GRID2: variants seen among roughly 807,000 people sequenced by gnomAD.
The protein encoded by GRID2 is glutamate receptor ionotropic, delta-2.
GRID2 carries 33 observed loss-of-function variants against 114.8 expected under a neutral mutation model. That is an observed-to-expected ratio of 0.29 (90% CI 0.22 to 0.38). The LOEUF (loss-of-function observed/expected upper bound fraction) is 0.38. Among genes scored for constraint, GRID2 ranks in the 10% least tolerant of loss-of-function variants. GRID2 has a pLI of 1.00. For synonymous variants in GRID2, 505 were observed against 449.9 expected (o/e 1.12, Z -1.55); for missense variants, 1,184 against 1,257.7 (o/e 0.94, Z 0.89).
At chr4:92,305,671 G>T (rs907559579) in intron 1 of GRID2, among the ~76,000 whole-genome samples, 1 of 152,104 alleles carries the variant, frequency 6.6e-6, no homozygotes, top group Admixed American at 6.5e-5. Context: ...GCAACCAGAC[G>T]GGCCGGGACT....
At chr4:92,351,019 A>G (rs892292956) in intron 1 of GRID2, among the ~76,000 whole-genome samples, 1 of 151,810 alleles carries the variant, frequency 6.6e-6, no homozygotes, top group African/African-American at 2.4e-5. Flanking sequence ...ATACTTTTTT[A>G]TGGCCAAATA....
At chr4:92,525,709 G>C (rs1674671827) in intron 1 of GRID2, among the ~76,000 whole-genome samples, 1 of 152,086 alleles carries the variant, frequency 6.6e-6, no homozygotes, top group Non-Finnish European at 1.5e-5. Context: ...TTTGGGTTGA[G>C]CCAGGTTTTA....
At chr4:92,757,744 A>T (rs1560575174) in intron 2 of GRID2, among the ~76,000 whole-genome samples, 1 of 152,082 alleles carries the variant, frequency 6.6e-6, no homozygotes, top group Non-Finnish European at 1.5e-5. Flanking sequence ...ACAGCCATTG[A>T]AGCAGAATGA....
At chr4:93,304,032 T>A (rs1755152598) in intron 8 of GRID2, among the ~76,000 whole-genome samples, 1 of 151,814 alleles carries the variant, frequency 6.6e-6, no homozygotes, top group Non-Finnish European at 1.5e-5. Context: ...AGAATTATTA[T>A]TAAATATTGC....
At chr4:92,763,829 A>G (rs1738137096) in intron 2 of GRID2, among the ~76,000 whole-genome samples, 1 of 152,232 alleles carries the variant, frequency 6.6e-6, no homozygotes, top group African/African-American at 2.4e-5. Flanking sequence ...TTGAAGGGCC[A>G]GAAGACTTTG....
chr4:93,107,078 T>C (rs1250643758), intron 3 of GRID2, among the ~76,000 whole-genome samples: 1 of 152,116 alleles, frequency 6.6e-6, no homozygotes, highest in Non-Finnish European at 1.5e-5. Flanking sequence ...GGCAGGTGGA[T>C]CGCCTGAGCT....
chr4:93,681,992 C>A (rs1229784399), intron 14 of GRID2, among the ~76,000 whole-genome samples: 1 of 151,198 alleles, frequency 6.6e-6, no homozygotes, highest in Non-Finnish European at 1.5e-5. Context: ...AGTGAACAGG[C>A]AACCTACAAA....
intron 8 of GRID2, among the ~76,000 whole-genome samples, chr4:93,345,667 G>A (rs911719945): frequency 3.3e-5 from 5 of 151,666 alleles, no homozygotes; most frequent in Middle Eastern, 3.2e-3. Flanking sequence ...TGTCTGTTTT[G>A]TTGCCGTTAC....
At chr4:92,798,570 T>A (rs1222830487) in intron 2 of GRID2, among the ~76,000 whole-genome samples, 1 of 152,030 alleles carries the variant, frequency 6.6e-6, no homozygotes, top group African/African-American at 2.4e-5. Flanking sequence ...AATGACAGAA[T>A]CTAACTTTGG....
At chr4:93,484,034 G>T (rs1265528637) in intron 11 of GRID2, among the ~76,000 whole-genome samples, 11 of 150,808 alleles carry the variant, frequency 7.3e-5, no homozygotes, top group Non-Finnish European at 1.3e-4. Flanking sequence ...TCTAATTGTG[G>T]ATAAAAAAAG....
chr4:92,956,295 G>A (rs1752405363), intron 2 of GRID2, among the ~76,000 whole-genome samples: 1 of 152,074 alleles, frequency 6.6e-6, no homozygotes, highest in Admixed American at 6.6e-5. Context: ...TGAGTCTATG[G>A]GCTTGGACAC....
chr4:92,880,026 C>G (rs1745897678), intron 2 of GRID2, among the ~76,000 whole-genome samples: 1 of 151,988 alleles, frequency 6.6e-6, no homozygotes, highest in African/African-American at 2.4e-5. Context: ...TATAAAAATC[C>G]AAGGAATTTT....
intron 14 of GRID2, among the ~76,000 whole-genome samples, chr4:93,723,874 T>A (rs1462706953): frequency 6.6e-6 from 1 of 152,168 alleles, no homozygotes; most frequent in Non-Finnish European, 1.5e-5. Flanking sequence ...AATAACAAAC[T>A]GGTAACCAAT....
At chr4:93,507,812 C>A (rs1728769672) in intron 12 of GRID2, among the ~76,000 whole-genome samples, 1 of 152,082 alleles carries the variant, frequency 6.6e-6, no homozygotes, top group South Asian at 2.1e-4. Context: ...TTTGTGTTTT[C>A]TTTTTATTTG....
chr4:93,257,079 G>A (rs1475054082), intron 8 of GRID2, among the ~76,000 whole-genome samples: 3 of 151,782 alleles, frequency 2.0e-5, no homozygotes, highest in Non-Finnish European at 4.4e-5. Flanking sequence ...ACAACTTAAC[G>A]TTTAAGTCAA....
At chr4:92,490,807 T>G (rs7664788) in intron 1 of GRID2, among the ~76,000 whole-genome samples, 7,883 of 152,180 alleles carry the variant, frequency 0.052, 257 homozygotes, top group East Asian at 0.083. Flanking sequence ...CTCCTCAAAT[T>G]CAATGTTAAC....
At chr4:92,669,824 T>G (rs2149275341) in intron 2 of GRID2, among the ~76,000 whole-genome samples, 1 of 152,148 alleles carries the variant, frequency 6.6e-6, no homozygotes, top group African/African-American at 2.4e-5. Context: ...ATTCAAAATC[T>G]TATCGTAAGC....
intron 14 of GRID2, among the ~76,000 whole-genome samples, chr4:93,700,414 A>T (rs1727410192): frequency 6.6e-6 from 1 of 152,154 alleles, no homozygotes; most frequent in South Asian, 2.1e-4. Context: ...TGACTCAATT[A>T]ATTGTCAATC....
chr4:92,309,966 T>C (rs1725610143), intron 1 of GRID2, among the ~76,000 whole-genome samples: 1 of 151,954 alleles, frequency 6.6e-6, no homozygotes, highest in Non-Finnish European at 1.5e-5. Flanking sequence ...TGATTGTTGT[T>C]TTTGAGACAA....
Sources: allele counts gnomAD v4.1 joint callset (sites outside exome capture counted in the v4.1 genomes callset), GRCh38; gene constraint gnomAD v4.1.1; transcripts MANE v1.5; gene names NCBI Gene and HGNC (gene_info 2026-07-23, HGNC 2026-07-21).